The following CSMD1 variants were observed in gnomAD, a reference collection of about 807,000 sequenced individuals.
The protein encoded by CSMD1 is CUB and Sushi multiple domains 1.
A neutral mutation model predicts 417.5 loss-of-function variants in CSMD1; 213 were observed. The observed-to-expected ratio is 0.51, with a 90% CI of 0.46 to 0.57. CSMD1 has a LOEUF of 0.57. Among genes scored for constraint, CSMD1 ranks in the 20% least tolerant of loss-of-function variants. CSMD1 has a pLI of 0.00. For synonymous variants in CSMD1, 2,862 were observed against 1,736.8 expected (o/e 1.65, Z -16.11); for missense variants, 6,923 against 4,529.7 (o/e 1.53, Z -15.17).
chr8:3,241,359 G>C (rs1016275693), intron 26 of CSMD1, among the ~76,000 whole-genome samples: 18 of 151,948 alleles, frequency 1.2e-4, no homozygotes, highest in Non-Finnish European at 2.5e-4. Context: ...GTAATGTGGA[G>C]TGGGTAGCCT....
intron 1 of CSMD1, among the ~76,000 whole-genome samples, chr8:4,859,581 C>T (rs1802007837): frequency 6.6e-6 from 1 of 151,986 alleles, no homozygotes; most frequent in Non-Finnish European, 1.5e-5. Flanking sequence ...CAAACAACCC[C>T]ATCAAAAAGT....
intron 7 of CSMD1, among the ~76,000 whole-genome samples, chr8:3,673,515 T>C (rs191971044): frequency 6.6e-6 from 1 of 152,366 alleles, no homozygotes; most frequent in East Asian, 1.9e-4. Flanking sequence ...ATAAACATTT[T>C]ACAGGAGAAA....
intron 3 of CSMD1, among the ~76,000 whole-genome samples, chr8:4,284,806 T>C (rs1299295754): frequency 8.5e-5 from 13 of 152,058 alleles, no homozygotes. Flanking sequence ...TTTTACAAAC[T>C]TCAATATATG....
intron 5 of CSMD1, among the ~76,000 whole-genome samples, chr8:3,938,111 C>T (rs1454510874): frequency 6.6e-6 from 1 of 152,050 alleles, no homozygotes; most frequent in Non-Finnish European, 1.5e-5. Flanking sequence ...AAGTGTGAAG[C>T]ATATAAAATG....
chr8:3,817,465 G>A (rs1197523560), intron 5 of CSMD1, among the ~76,000 whole-genome samples: 2 of 151,326 alleles, frequency 1.3e-5, no homozygotes, highest in East Asian at 3.9e-4. Flanking sequence ...GTTTTTAGTA[G>A]AGACGGGGTT....
intron 10 of CSMD1, among the ~76,000 whole-genome samples, chr8:3,499,329 C>G (rs932894146): frequency 3.9e-5 from 6 of 152,058 alleles, no homozygotes; most frequent in Non-Finnish European, 8.8e-5. Context: ...TGGTTCAGCT[C>G]TAATGCAGAT....
At chr8:3,216,241 T>C (rs1263732762) in intron 29 of CSMD1, among the ~76,000 whole-genome samples, 1 of 152,058 alleles carries the variant, frequency 6.6e-6, no homozygotes, top group African/African-American at 2.4e-5. Flanking sequence ...AAATCCCATA[T>C]AGAATATAGA....
At chr8:4,053,184 G>A (rs890456705) in intron 3 of CSMD1, among the ~76,000 whole-genome samples, 4 of 152,174 alleles carry the variant, frequency 2.6e-5, no homozygotes, top group Non-Finnish European at 4.4e-5. Context: ...CAAATTTGAA[G>A]CCTGAAAATA....
chr8:3,064,972 C>G (rs140976996), intron 49 of CSMD1, among the ~76,000 whole-genome samples: 1,787 of 152,136 alleles, frequency 0.012, 40 homozygotes, highest in African/African-American at 0.04. Flanking sequence ...CGAGTCTATT[C>G]CATGTGCACT....
chr8:4,828,068 T>A (rs947185113), intron 1 of CSMD1, among the ~76,000 whole-genome samples: 8 of 152,142 alleles, frequency 5.3e-5, no homozygotes, highest in Non-Finnish European at 1.0e-4. Flanking sequence ...TTTTTTTACA[T>A]GAGTCCAATA....
At chr8:4,206,251 T>G (rs1231891994) in intron 3 of CSMD1, among the ~76,000 whole-genome samples, 2 of 152,202 alleles carry the variant, frequency 1.3e-5, no homozygotes, top group South Asian at 2.1e-4. Context: ...AGGGGCAGGT[T>G]TGTTACATAT....
chr8:4,349,941 T>G (rs534459868), intron 3 of CSMD1, among the ~76,000 whole-genome samples: 1 of 152,186 alleles, frequency 6.6e-6, no homozygotes, highest in African/African-American at 2.4e-5. Flanking sequence ...ACTGCCAAAC[T>G]TTAACAAAAC....
intron 3 of CSMD1, 60 bp downstream of exon 3, chr8:4,419,893 T>C (rs1397283145): frequency 2.7e-6 from 3 of 1,108,300 alleles, no homozygotes; most frequent in Non-Finnish European, 4.0e-6. Flanking sequence ...TAATCCAGTG[T>C]AGCATGTATT....
chr8:3,751,104 C>G (rs1797315763), intron 6 of CSMD1, among the ~76,000 whole-genome samples: 1 of 151,980 alleles, frequency 6.6e-6, no homozygotes, highest in African/African-American at 2.4e-5. Context: ...TCAATGAGGA[C>G]CATGTGGTAA....
At chr8:3,081,541 T>G (rs1253907388) in intron 49 of CSMD1, among the ~76,000 whole-genome samples, 1 of 152,224 alleles carries the variant, frequency 6.6e-6, no homozygotes, top group Admixed American at 6.5e-5. Context: ...AAGTTGGACG[T>G]GGAAGTCTTA....
At chr8:3,994,661 C>T (rs1479227736) in intron 5 of CSMD1, among the ~76,000 whole-genome samples, 6 of 152,066 alleles carry the variant, frequency 3.9e-5, no homozygotes, top group Non-Finnish European at 5.9e-5. Context: ...TACCTATAGC[C>T]TATGAGGCTT....
chr8:3,599,360 T>C (rs543710278), intron 8 of CSMD1, among the ~76,000 whole-genome samples: 1 of 152,142 alleles, frequency 6.6e-6, no homozygotes, highest in East Asian at 1.9e-4. Flanking sequence ...ACGGCATTAT[T>C]AACCCCAACT....
chr8:3,375,462 T>C (rs1810246232), intron 18 of CSMD1, among the ~76,000 whole-genome samples: 1 of 152,106 alleles, frequency 6.6e-6, no homozygotes, highest in Non-Finnish European at 1.5e-5. Flanking sequence ...AAGTCAGACT[T>C]AATGAGTTAC....
chr8:3,406,700 A>G (rs908616444), intron 14 of CSMD1, among the ~76,000 whole-genome samples: 1 of 152,212 alleles, frequency 6.6e-6, no homozygotes, highest in Non-Finnish European at 1.5e-5. Context: ...TGAAACAATT[A>G]TTGTCCAATT....
Sources: allele counts gnomAD v4.1 joint callset (sites outside exome capture counted in the v4.1 genomes callset), GRCh38; gene constraint gnomAD v4.1.1; transcripts MANE v1.5; gene names NCBI Gene and HGNC (gene_info 2026-07-23, HGNC 2026-07-21).